The following SYMPK variants were observed in gnomAD, a reference collection of about 807,000 sequenced individuals.
The protein encoded by SYMPK is symplekin.
Under a neutral mutation model 136.4 loss-of-function variants are expected in SYMPK, and 49 were observed. That is an observed-to-expected ratio of 0.36 (90% CI 0.29 to 0.46). The LOEUF is 0.46. Among genes scored for constraint, SYMPK ranks in the 20% least tolerant of loss-of-function variants. SYMPK has a pLI of 1.00. For synonymous variants in SYMPK, 766 were observed against 713.0 expected, an observed-to-expected ratio of 1.07 and a Z score of -1.19; for missense variants, 1,365 against 1,690.0, an observed-to-expected ratio of 0.81 and a Z score of 3.37.
chr19:45,858,566 A>G (rs1242520021), intron 1 of SYMPK, among the ~76,000 whole-genome samples: 1 of 151,178 alleles, frequency 6.6e-6, no homozygotes, highest in Admixed American at 6.6e-5. Flanking sequence ...CCCAGGCTGG[A>G]GTGCAATGGC....
chr19:45,828,704 A>AG (rs889329322), intron 14 of SYMPK: 13 of 526,178 alleles, frequency 2.5e-5, no homozygotes, highest in Non-Finnish European at 6.9e-6. Context: ...TGGCAGAGAG[A>AG]GGGAGTGACA....
At chr19:45,833,018 CAAA>C (rs11392482) in intron 11 of SYMPK, among the ~76,000 whole-genome samples, 5 of 124,968 alleles carry the variant, frequency 4.0e-5, no homozygotes, top group Non-Finnish European at 5.0e-5. Context: ...GACTCCATCT[CAAA>C]AAAAAAAAAA....
At position 45,863,128 on chromosome 19, in the gene SYMPK, G is replaced by A; in HGVS notation, c.-83C>T. 2.5e-6 allele frequency: 1 copy of A among 405,932 alleles called. No individual in the cohort carries two copies. Among genetic ancestry groups the A allele is most frequent in the Non-Finnish European group, 4.3e-6 (1 of 230,478 alleles). 25.1% of individuals were successfully genotyped at this position (405,932 alleles called of 1,614,324 possible). ...CTTCCTACACTCCGCCGCCGCCGCC[G>A]CCGCCATCTTCCGTTCGTCGCCGGG... On this transcript the variant is annotated 5_prime_UTR_variant, in exon 1 of 27. Coordinates refer to ENST00000245934, the MANE Select transcript of SYMPK (RefSeq NM_004819.3).
intron 1 of SYMPK, among the ~76,000 whole-genome samples, chr19:45,857,137 G>A (rs1396375313): frequency 6.6e-6 from 1 of 151,034 alleles, no homozygotes; most frequent in African/African-American, 2.4e-5. Context: ...GGCTGGGTGC[G>A]GTGGCTCACA....
In SYMPK at chr19:45,852,433, A is replaced by G. The variant is rs777899396; in HGVS notation, c.226-48T>C. The stretch of plus-strand genomic sequence containing the variant: ...GGATCAGGGCTACACAAGGATCCAC[A>G]TCCCCTTTCCCCTACACCACACCCC... On this transcript the variant is annotated intron_variant, in intron 4 of 26. Transcript: ENST00000245934. 5 of 1,614,022 alleles carry G rather than the reference A, an allele frequency of 3.1e-6. No individual in the cohort carries two copies. In the Admixed American group the frequency reaches 8.3e-5, roughly 27 times the overall value.
chr19:45,847,712 T>G (rs1199604092), intron 7 of SYMPK, 40 bp downstream of exon 7: 5 of 1,589,140 alleles, frequency 3.1e-6, no homozygotes, highest in Middle Eastern at 1.7e-4. Flanking sequence ...AGGAAACTGG[T>G]GCAGGGCTGT....
chr19:45,842,588 C>T, intron 8 of SYMPK, 99 bp from the exon 9 acceptor site: 1 of 1,522,412 alleles, frequency 6.6e-7, no homozygotes, highest in Non-Finnish European at 8.8e-7. Flanking sequence ...GTCTTGCAGG[C>T]ATCTACTAGA....
intron 12 of SYMPK, chr19:45,831,169 ATTT>A (rs10714046): frequency 0.023 from 7,689 of 337,460 alleles, no homozygotes; most frequent in Middle Eastern, 0.03. Context: ...ATAAAAAAGG[ATTT>A]TTTTTTTTTT....
intron 22 of SYMPK, chr19:45,819,627 G>A (rs896895813): frequency 4.6e-5 from 7 of 152,270 alleles, no homozygotes; most frequent in African/African-American, 1.7e-4. Context: ...GGGACTTCTT[G>A]TCTCTCCCTG....
rs1971110112 is a variant in SYMPK, at chr19:45,829,036, T to C, written c.1919A>G (p.Asp640Gly). ...GCGGATGAGGCAGTCCTCATACTTG[T>C]CCAGGGAGCCCGAGGCACCTGCGGC... is the stretch of plus-strand genomic sequence containing the variant. ...YLAAGASGSL[D>G]KYEDCLIRLL... is the part of the protein sequence containing the mutation. Residue 640 changes from aspartate to glycine, a missense_variant, in exon 14 of 27, where the codon GAC becomes GGC. Asp to Gly is a moderately conservative substitution (Grantham distance 94, BLOSUM62 -1). Around this residue, in one of 11 missense-constraint regions of SYMPK, gnomAD observed 303 missense variants for 326.6 expected, o/e 0.93. Coordinates refer to ENST00000245934, the MANE Select transcript of SYMPK (RefSeq NM_004819.3). 6.2e-7 allele frequency: 1 copy of C among 1,614,020 alleles called. No individual in the cohort carries two copies. The highest frequency in any genetic ancestry group is 8.5e-7 in the Non-Finnish European group (1 of 1,180,028).
At chr19:45,819,085 G>A (rs2146299014) in intron 22 of SYMPK, 1 of 152,136 alleles carries the variant, frequency 6.6e-6, no homozygotes, top group South Asian at 2.1e-4. Context: ...AACCGAGGAA[G>A]CCCCTGCTCC....
rs1047003366 is a variant in SYMPK at position 45,828,016 on chromosome 19, C to T, written c.1986-98G>A. On this transcript the variant is annotated intron_variant, in intron 14 of 26. Coordinates refer to ENST00000245934, the MANE Select transcript of SYMPK (RefSeq NM_004819.3). ...AGGAGCTCAGGGCCAGCAGGCCCTCCCTCAGGGGCTGCTTGTTCAAGCCCC... is the reference window on the plus strand; with the variant it reads ...AGGAGCTCAGGGCCAGCAGGCCCTCTCTCAGGGGCTGCTTGTTCAAGCCCC... The T allele has an allele frequency of 2.7e-4, 285 of 1,056,290 alleles. 1 individual carries two copies. The highest frequency in any genetic ancestry group is 4.1e-5 in the Non-Finnish European group (28 of 684,954). The allele number at this position is 1,056,290 out of a possible 1,614,324, so 65.4% of individuals were successfully genotyped here.
rs1353213414 is a variant in SYMPK at position 45,823,421 on chromosome 19, C to A, written c.2651G>T (p.Arg884Leu). ...GATGAGGAAGCGGACGTCTGGCAGT[C>A]GCTTGTGGTAGAGATCCCGGACCCG... is the stretch of plus-strand genomic sequence containing the variant. ...VKRVRDLYHK[R>L]LPDVRFLIPV... is the part of the protein sequence containing the mutation. Residue 884 changes from arginine to leucine, a missense_variant, in exon 20 of 27, where the codon CGA becomes CTA. This residue lies in a region of SYMPK where 92 missense variants were observed against 198.6 expected (regional missense o/e 0.46). Transcript: ENST00000245934. 1.2e-6 allele frequency: 2 copies of A among 1,614,024 alleles called. No individual in the cohort carries two copies. The highest frequency in any genetic ancestry group is 1.7e-6 in the Non-Finnish European group (2 of 1,180,022).
intron 6 of SYMPK, 110 bp from the exon 7 acceptor site, chr19:45,848,111 T>C: frequency 7.5e-7 from 1 of 1,334,710 alleles, no homozygotes; most frequent in Non-Finnish European, 1.0e-6. Context: ...GATGAATACA[T>C]TCATTTGGTT....
At chr19:45,824,888 C>T (rs1213006882) in intron 18 of SYMPK, among the ~76,000 whole-genome samples, 1 of 152,218 alleles carries the variant, frequency 6.6e-6, no homozygotes, top group East Asian at 1.9e-4. Context: ...GGGACTGGAA[C>T]GTCTTCCCCA....
Position 45,817,417 on chromosome 19 carries a change from C to CTCTTTTTTTTTTTTTT in SYMPK, c.3082-444_3082-443insAAAAAAAAAAAAAAGA, listed in dbSNP as rs1568605965. ...CTGCGGGGTTTGGTTTTTTTGTTCTCTTTTTTTTTTTTTTTTTTTTTTTTT... is the reference window on the plus strand; with the variant it reads ...CTGCGGGGTTTGGTTTTTTTGTTCTCTCTTTTTTTTTTTTTTTTTTTTTTTTTTTTTTTTTTTTTTT... On this transcript the variant is annotated intron_variant, in intron 23 of 26. Transcript: ENST00000245934. Among the ~76,000 whole-genome samples, 126 of 108,476 alleles carry CTCTTTTTTTTTTTTTT rather than the reference C, an allele frequency of 1.2e-3. 3 individuals carry two copies. The highest frequency in any genetic ancestry group is 1.5e-3 in the South Asian group (5 of 3,252). The allele number at this position is 108,476 out of a possible 152,430, so 71.2% of individuals were successfully genotyped here. A position where few individuals can be genotyped will look rare whatever the true frequency, so the allele number is the denominator to read the frequency against.
chr19:45,860,968 T>A (rs1030671998), intron 1 of SYMPK, among the ~76,000 whole-genome samples: 12 of 152,280 alleles, frequency 7.9e-5, no homozygotes, highest in Non-Finnish European at 1.6e-4. Context: ...TGGCTGCATA[T>A]CTTCCTTACC....
In SYMPK at chr19:45,829,255, A is replaced by C. The variant is rs567610794; in HGVS notation, c.1750-50T>G. 11 of 1,522,570 alleles carry C rather than the reference A, an allele frequency of 7.2e-6. No homozygotes were observed. In the Admixed American group the frequency reaches 8.6e-5, roughly 12 times the overall value. The allele number at this position is 1,522,570 out of a possible 1,614,324, so 94.3% of individuals were successfully genotyped here. ...TCAGTGTAGGGTGGGCAATCCAGGG[A>C]CTCCGCAATCGTGCCCTGCGACTTC... On this transcript the variant is annotated intron_variant, in intron 13 of 26. Coordinates refer to ENST00000245934, the MANE Select transcript of SYMPK (RefSeq NM_004819.3).
At chr19:45,848,651 T>C in intron 6 of SYMPK, 99 bp downstream of exon 6, 7 of 1,532,558 alleles carry the variant, frequency 4.6e-6, no homozygotes, top group Non-Finnish European at 6.3e-6. Context: ...ATCTTGCCCA[T>C]AAAGAGTATG....
Sources: gnomAD v4.1 joint callset for allele counts (sites outside exome capture counted in the v4.1 genomes callset) on GRCh38, gnomAD v4.1.1 for gene constraint, gnomAD v4.1.1 regional missense constraint, MANE v1.5 for transcripts, NCBI Gene and HGNC (gene_info 2026-07-23, HGNC 2026-07-21) for gene names.